The following OCA2 variants were observed in gnomAD, a reference collection of about 807,000 sequenced individuals.
OCA2 encodes the protein P protein.
A neutral mutation model predicts 100.2 loss-of-function variants in OCA2; 77 were observed. That is an observed-to-expected ratio of 0.77 (90% CI 0.64 to 0.93). The LOEUF (loss-of-function observed/expected upper bound fraction) is 0.93, where lower values mean the gene tolerates loss of function less well. OCA2 is among the 40% of genes least tolerant of loss of function. The probability of loss-of-function intolerance (pLI) is 0.00; values close to 1 mark genes in which losing one functional copy is unlikely to be tolerated. For synonymous variants in OCA2, 432 were observed against 439.2 expected (o/e 0.98, Z 0.21); for missense variants, 1,062 against 1,089.1 (o/e 0.98, Z 0.35).
chr15:27,894,929 T>C (rs1247884908), intron 19 of OCA2, among the ~76,000 whole-genome samples: 2 of 152,226 alleles, frequency 1.3e-5, no homozygotes, highest in Non-Finnish European at 2.9e-5. Context: ...ACTCTCACCT[T>C]TTGCCTGGAC....
At chr15:27,888,769 T>A (rs1036480770) in intron 19 of OCA2, among the ~76,000 whole-genome samples, 2 of 152,230 alleles carry the variant, frequency 1.3e-5, no homozygotes, top group African/African-American at 4.8e-5. Flanking sequence ...TACATATATA[T>A]ATTTACATGA....
At chr15:27,780,827 C>A (rs1401134515) in intron 23 of OCA2, among the ~76,000 whole-genome samples, 5 of 152,132 alleles carry the variant, frequency 3.3e-5, no homozygotes, top group Admixed American at 3.3e-4. Context: ...AGGAAATTAT[C>A]AACCATCAAA....
intron 17 of OCA2, among the ~76,000 whole-genome samples, chr15:27,952,664 A>T (rs892463214): frequency 1.3e-5 from 2 of 148,792 alleles, no homozygotes; most frequent in African/African-American, 2.6e-5. Context: ...TTATTTATTT[A>T]TTTATTTTTA....
intron 23 of OCA2, among the ~76,000 whole-genome samples, chr15:27,767,662 G>T (rs570210025): frequency 6.6e-6 from 1 of 152,182 alleles, no homozygotes; most frequent in East Asian, 1.9e-4. Context: ...CTAAGGGATT[G>T]TAAACACACC....
chr15:28,048,295 A>G (rs1276443020), intron 2 of OCA2, among the ~76,000 whole-genome samples: 1 of 152,242 alleles, frequency 6.6e-6, no homozygotes, highest in Admixed American at 6.5e-5. Context: ...AGCCAAAACA[A>G]TCTTGACAAA....
chr15:27,947,714 C>A (rs2039891252), intron 18 of OCA2, among the ~76,000 whole-genome samples: 1 of 152,210 alleles, frequency 6.6e-6, no homozygotes, highest in African/African-American at 2.4e-5. Context: ...TTCCTTCTTG[C>A]TCTACTCAAC....
chr15:27,796,431 C>T (rs2033337175), intron 23 of OCA2, among the ~76,000 whole-genome samples: 1 of 152,264 alleles, frequency 6.6e-6, no homozygotes, highest in Non-Finnish European at 1.5e-5. Flanking sequence ...CTGCAGGAAA[C>T]AGCACGTGCT....
chr15:27,829,191 G>A (rs2034848427), intron 23 of OCA2, among the ~76,000 whole-genome samples: 1 of 152,144 alleles, frequency 6.6e-6, no homozygotes, highest in African/African-American at 2.4e-5. Context: ...ATAGCTGATG[G>A]ATAGATGCTA....
At chr15:28,022,387 G>GTGGATGAGAA in intron 6 of OCA2, 114 bp downstream of exon 6, 1 of 764,228 alleles carries the variant, frequency 1.3e-6, no homozygotes, top group South Asian at 1.4e-5. Flanking sequence ...CAAAATTCGA[G>GTGGATGAGAA]TGGTAATGGC....
intron 22 of OCA2, 150 bp downstream of exon 22, chr15:27,851,232 C>T: frequency 2.7e-6 from 2 of 739,370 alleles, no homozygotes; most frequent in Non-Finnish European, 4.7e-6. Context: ...TCTGGAATTG[C>T]TCTGTCAAAG....
At chr15:27,742,538 C>G in the OCA2 span, among the ~76,000 whole-genome samples, 1 of 152,092 alleles carries the variant, frequency 6.6e-6, no homozygotes, top group African/African-American at 2.4e-5. Flanking sequence ...GAGCTGTGGC[C>G]GGTAAGATTT....
intron 23 of OCA2, among the ~76,000 whole-genome samples, chr15:27,833,438 C>T (rs1595486012): frequency 6.6e-6 from 1 of 152,208 alleles, no homozygotes; most frequent in East Asian, 1.9e-4. Context: ...CTAAAGATGT[C>T]TTGGGACTCT....
At chr15:27,997,473 A>G (rs1006852620) in intron 9 of OCA2, among the ~76,000 whole-genome samples, 6 of 151,402 alleles carry the variant, frequency 4.0e-5, no homozygotes, top group African/African-American at 1.5e-4. Flanking sequence ...GGTCTGTCAA[A>G]GATCAGATAG....
intron 18 of OCA2, among the ~76,000 whole-genome samples, chr15:27,933,893 A>C (rs1396617244): frequency 6.6e-6 from 1 of 152,168 alleles, no homozygotes. Flanking sequence ...CAGTGATGTA[A>C]TTAATGCCAC....
chr15:28,020,028 C>A (rs1473099404), intron 6 of OCA2, among the ~76,000 whole-genome samples: 1 of 152,160 alleles, frequency 6.6e-6, no homozygotes, highest in Non-Finnish European at 1.5e-5. Flanking sequence ...CACCCGTCTT[C>A]CCCCCTGCGG....
the OCA2 span, among the ~76,000 whole-genome samples, chr15:27,748,902 T>C: frequency 6.6e-6 from 1 of 152,106 alleles, no homozygotes; most frequent in Admixed American, 6.5e-5. Flanking sequence ...ATAGAATTAG[T>C]GAACTTTGGG....
chr15:28,096,429 G>A (rs7168800), intron 1 of OCA2, among the ~76,000 whole-genome samples: 10,889 of 152,296 alleles, frequency 0.071, 605 homozygotes, highest in Admixed American at 0.18. Flanking sequence ...TGCTGTGACC[G>A]TTGCATTTGA....
chr15:27,726,718 G>A, the OCA2 span, among the ~76,000 whole-genome samples: 15 of 152,188 alleles, frequency 9.9e-5, no homozygotes, highest in Non-Finnish European at 1.8e-4. Context: ...AAACCTGCAC[G>A]TTGTGCACAT....
rs1056262926 is a variant in OCA2, at chr15:28,082,030, A to G, written c.-21-135T>C. 1.8e-5 allele frequency: 13 copies of G among 731,240 alleles called. No individual in the cohort carries two copies. In the African/African-American group the frequency reaches 1.9e-4, roughly 11 times the overall value. 45.3% of individuals were successfully genotyped at this position (731,240 alleles called of 1,614,324 possible). A position where few individuals can be genotyped will look rare whatever the true frequency, so the allele number is the denominator to read the frequency against. On this transcript the variant is annotated intron_variant, in intron 1 of 23. Transcript: ENST00000354638. ...AGTTCCAGCATCCTAACCACGCAAGAGCATTTCACCCTAGTGAGAAGTGAA... is the reference window on the plus strand; with the variant it reads ...AGTTCCAGCATCCTAACCACGCAAGGGCATTTCACCCTAGTGAGAAGTGAA...
Sources: gnomAD v4.1 joint callset for allele counts (sites outside exome capture counted in the v4.1 genomes callset) on GRCh38, gnomAD v4.1.1 for gene constraint, MANE v1.5 for transcripts, NCBI Gene and HGNC (gene_info 2026-07-23, HGNC 2026-07-21) for gene names.